MAST4: variants seen among roughly 807,000 people sequenced by gnomAD.
MAST4 encodes the protein microtubule-associated serine/threonine-protein kinase 4.
A neutral mutation model predicts 162.7 loss-of-function variants in MAST4; 89 were observed. That is an observed-to-expected ratio of 0.55 (90% confidence interval 0.46 to 0.65). MAST4 has a LOEUF of 0.65. Ranked by LOEUF, MAST4 falls within the 30% of genes least tolerant of loss-of-function variation. MAST4 has a pLI of 0.00. For missense variants in MAST4, 3,153 were observed against 3,374.0 expected, an observed-to-expected ratio of 0.93 and a Z score of 1.62; for synonymous variants, 1,479 against 1,361.1, an observed-to-expected ratio of 1.09 and a Z score of -1.91.
intron 3 of MAST4, among the ~76,000 whole-genome samples, chr5:66,812,257 TCTG>T (rs768549547): frequency 6.6e-6 from 1 of 152,240 alleles, no homozygotes; most frequent in Non-Finnish European, 1.5e-5. Context: ...AAATTAATAT[TCTG>T]CTGCTGAATT....
At chr5:66,753,290 A>T (rs1753305909) in intron 1 of MAST4, among the ~76,000 whole-genome samples, 1 of 152,216 alleles carries the variant, frequency 6.6e-6, no homozygotes, top group African/African-American at 2.4e-5. Context: ...AAGGCAAGAA[A>T]TAACTAAAAT....
intron 3 of MAST4, among the ~76,000 whole-genome samples, chr5:66,844,888 T>G (rs1758701402): frequency 6.6e-6 from 1 of 151,456 alleles, no homozygotes; most frequent in African/African-American, 2.4e-5. Context: ...AAGGGAAAGA[T>G]CCAATAGATA....
At chr5:66,729,455 G>T (rs1404281272) in intron 1 of MAST4, among the ~76,000 whole-genome samples, 1 of 152,172 alleles carries the variant, frequency 6.6e-6, no homozygotes. Flanking sequence ...CTGTTCAGCA[G>T]TGTGCCCACA....
intron 1 of MAST4, among the ~76,000 whole-genome samples, chr5:66,635,173 C>T (rs151055364): frequency 6.6e-6 from 1 of 152,330 alleles, no homozygotes; most frequent in Non-Finnish European, 1.5e-5. Flanking sequence ...ATCACAGGTC[C>T]ACAGGGGACT....
intron 19 of MAST4, among the ~76,000 whole-genome samples, chr5:67,140,753 T>A (rs912613820): frequency 2.6e-5 from 4 of 152,258 alleles, no homozygotes; most frequent in Admixed American, 2.6e-4. Context: ...ACAAGACATC[T>A]GTCCTGTAGT....
chr5:67,067,142 C>A (rs1232171004), intron 5 of MAST4, among the ~76,000 whole-genome samples: 3 of 152,180 alleles, frequency 2.0e-5, no homozygotes, highest in African/African-American at 4.8e-5. Flanking sequence ...TAGAAACCTC[C>A]TTCTACTATG....
chr5:67,103,059 T>A (rs1353565822), intron 9 of MAST4, among the ~76,000 whole-genome samples: 1 of 152,250 alleles, frequency 6.6e-6, no homozygotes, highest in Non-Finnish European at 1.5e-5. Context: ...TGTGATTTCC[T>A]ATCTCTTTAG....
In MAST4 at chr5:67,165,368, A is replaced by T. The variant is rs781607813; in HGVS notation, c.6189A>T (p.Ser2063=). The change falls in exon 29 of 29, where the codon TCA becomes TCT. Residue 2063 remains serine, a synonymous_variant. Coordinates refer to ENST00000403625, the MANE Select transcript of MAST4 (RefSeq NM_001164664.2). ...PPPRDNSSLH[S]AGIPCEKELG... ...CCAGAGACAACTCCTCTCTGCACTC[A>T]GCTGGAATTCCCTGTGAGAAGGAGC... 1 of 1,613,758 alleles carries T rather than the reference A, an allele frequency of 6.2e-7. No individual in the cohort carries two copies. Among genetic ancestry groups the T allele is most frequent in the Non-Finnish European group, 8.5e-7 (1 of 1,179,864 alleles).
intron 1 of MAST4, among the ~76,000 whole-genome samples, chr5:66,605,138 T>A (rs1205020490): frequency 6.6e-6 from 1 of 152,218 alleles, no homozygotes; most frequent in Non-Finnish European, 1.5e-5. Context: ...AATTTGCTTT[T>A]TACTCACATA....
At position 67,164,027 on chromosome 5, in the gene MAST4, C is replaced by G. The variant is rs542244376; in HGVS notation, c.4848C>G (p.Ser1616Arg). The stretch of plus-strand genomic sequence containing the variant: ...ACAAGCAGGCCAGCGTGCGCGCCAG[C>G]GAGGGTGCGATGTCGGATGGCCGGG... ...ALHKQASVRASEGAMSDGRVP... is the reference protein window; with the variant it reads ...ALHKQASVRAREGAMSDGRVP... Residue 1616 changes from serine (S) to arginine (R), a missense_variant, in exon 29 of 29, where the codon AGC becomes AGG. By Grantham distance (110) the Ser-to-Arg change is moderately radical. Coordinates refer to ENST00000403625, the MANE Select transcript of MAST4 (RefSeq NM_001164664.2). The surrounding 1 kb of genome is among the most constrained non-coding windows in gnomAD (Gnocchi z 5.3). 3.2e-6 allele frequency: 5 copies of G among 1,585,120 alleles called. No homozygotes were observed. The highest frequency in any genetic ancestry group is 4.3e-6 in the Non-Finnish European group (5 of 1,165,454).
At position 67,160,443 on chromosome 5, in the gene MAST4, A is replaced by G. The variant is rs751240472; in HGVS notation, c.3649-13A>G. The G allele has an allele frequency of 6.9e-6, 11 of 1,601,204 alleles. No individual in the cohort carries two copies. The South Asian group carries it at 1.2e-4, about 18-fold the overall frequency. ...CAGCATTTCCCTTTAATGCCACCTC[A>G]TCTTTTCTTTAGAGTGGGAATAAGG... On this transcript the variant is annotated splice_polypyrimidine_tract_variant and intron_variant, in intron 26 of 28. Transcript: ENST00000403625.
chr5:66,821,926 G>A (rs1290437295), intron 3 of MAST4, among the ~76,000 whole-genome samples: 5 of 152,194 alleles, frequency 3.3e-5, no homozygotes, highest in Admixed American at 1.3e-4. Flanking sequence ...TGTGGGTTCA[G>A]TAGGGAGGGA....
chr5:66,966,224 T>C (rs1194057258), intron 4 of MAST4, among the ~76,000 whole-genome samples: 2 of 152,230 alleles, frequency 1.3e-5, no homozygotes, highest in African/African-American at 4.8e-5. Context: ...TGCTCTGAGA[T>C]CATTTATATT....
In MAST4 at chr5:67,130,539, A is replaced by G; in HGVS notation, c.1954+121A>G. 5.6e-6 allele frequency: 5 copies of G among 899,146 alleles called. No individual in the cohort carries two copies. The South Asian group carries it at 6.7e-5, about 12-fold the overall frequency. 55.7% of individuals were successfully genotyped at this position (899,146 alleles called of 1,614,324 possible). ...TCCACCTAGGAACTGAAGCCAGGCAATGAAATGGCTGTATTCCCAGTCATT... is the reference window on the plus strand; with the variant it reads ...TCCACCTAGGAACTGAAGCCAGGCAGTGAAATGGCTGTATTCCCAGTCATT... On this transcript the variant is annotated intron_variant, in intron 15 of 28. Coordinates refer to ENST00000403625, the MANE Select transcript of MAST4 (RefSeq NM_001164664.2).
At chr5:67,153,098 C>T (rs926157068) in intron 25 of MAST4, among the ~76,000 whole-genome samples, 6 of 152,192 alleles carry the variant, frequency 3.9e-5, no homozygotes, top group African/African-American at 1.4e-4. Flanking sequence ...TTCTTACATA[C>T]CAAGCTGGTA....
chr5:66,669,526 C>A (rs899683963), intron 1 of MAST4, among the ~76,000 whole-genome samples: 2 of 152,136 alleles, frequency 1.3e-5, no homozygotes, highest in African/African-American at 2.4e-5. Context: ...TGACATTCTC[C>A]CTCCTGGGCT....
At chr5:66,810,204 T>C (rs1756409310) in intron 3 of MAST4, among the ~76,000 whole-genome samples, 1 of 152,156 alleles carries the variant, frequency 6.6e-6, no homozygotes, top group South Asian at 2.1e-4. Flanking sequence ...TGGTGTTTAG[T>C]CAGGATGCCT....
intron 4 of MAST4, among the ~76,000 whole-genome samples, chr5:66,998,075 GA>G (rs997026395): frequency 2.6e-5 from 4 of 152,104 alleles, no homozygotes; most frequent in Non-Finnish European, 4.4e-5. Context: ...GTATGACCTG[GA>G]AAAAATATTC....
intron 1 of MAST4, among the ~76,000 whole-genome samples, chr5:66,610,873 C>A (rs1414708162): frequency 6.6e-6 from 1 of 152,222 alleles, no homozygotes; most frequent in African/African-American, 2.4e-5. Flanking sequence ...AGGACATCTT[C>A]ATTGGATGCC....
Sources: gnomAD v4.1 joint callset for allele counts (sites outside exome capture counted in the v4.1 genomes callset) on GRCh38, gnomAD v4.1.1 for gene constraint, Gnocchi (gnomAD v3.1) non-coding constraint, MANE v1.5 for transcripts, NCBI Gene and HGNC (gene_info 2026-07-23, HGNC 2026-07-21) for gene names.